The following RSPO2 variants were observed in gnomAD, a reference collection of about 807,000 sequenced individuals.
RSPO2 encodes R-spondin-2.
Under a neutral mutation model 30.9 loss-of-function variants are expected in RSPO2, and 14 were observed. The observed-to-expected ratio is 0.45, with a 90% CI of 0.30 to 0.71. RSPO2 has a LOEUF of 0.71. Ranked by LOEUF, RSPO2 falls within the 30% of genes least tolerant of loss-of-function variation. RSPO2 has a pLI of 0.08. For synonymous variants in RSPO2, 107 were observed against 96.4 expected (o/e 1.11, Z -0.64); for missense variants, 264 against 301.9 (o/e 0.87, Z 0.93).
At chr8:107,903,061 T>C (rs570617163) in intron 5 of RSPO2, among the ~76,000 whole-genome samples, 34 of 152,118 alleles carry the variant, frequency 2.2e-4, no homozygotes, top group African/African-American at 7.2e-4. Context: ...GGCAGAAAAA[T>C]GAAATATTTA....
intron 2 of RSPO2, among the ~76,000 whole-genome samples, chr8:108,046,676 C>T (rs943774505): frequency 6.6e-6 from 1 of 152,204 alleles, no homozygotes; most frequent in Middle Eastern, 3.4e-3. Context: ...CAGGCACACC[C>T]GTGGTTTGAA....
intron 5 of RSPO2, among the ~76,000 whole-genome samples, chr8:107,952,007 C>T (rs1010292757): frequency 6.6e-6 from 1 of 152,092 alleles, no homozygotes; most frequent in African/African-American, 2.4e-5. Flanking sequence ...ACTACCACCA[C>T]CATCACCAGG....
intron 5 of RSPO2, among the ~76,000 whole-genome samples, chr8:107,912,588 A>C (rs996770664): frequency 1.3e-5 from 2 of 152,190 alleles, no homozygotes; most frequent in Non-Finnish European, 2.9e-5. Flanking sequence ...TCTACAGAAT[A>C]TCTCTATTCA....
intron 5 of RSPO2, among the ~76,000 whole-genome samples, chr8:107,902,352 C>T (rs919247870): frequency 6.6e-6 from 1 of 152,128 alleles, no homozygotes; most frequent in South Asian, 2.1e-4. Flanking sequence ...TAAGGTGTAG[C>T]TATTTGACAG....
chr8:107,900,885 G>C lies in RSPO2; in HGVS notation c.*190C>G. 1.8e-6 allele frequency: 1 copy of C among 564,660 alleles called. No individual in the cohort carries two copies. Among genetic ancestry groups the C allele is most frequent in the Non-Finnish European group, 3.0e-6 (1 of 330,286 alleles). The allele number at this position is 564,660 out of a possible 1,614,324, so 35.0% of individuals were successfully genotyped here. ...CTGTGCACTTACTCCTGCCTTCACA[G>C]TCTCCAGATTCAAATCAAAGCATAA... On this transcript the variant is annotated 3_prime_UTR_variant, in exon 6 of 6. Transcript: ENST00000276659.
intron 3 of RSPO2, among the ~76,000 whole-genome samples, chr8:107,976,691 C>G (rs1445449642): frequency 6.6e-6 from 1 of 152,184 alleles, no homozygotes; most frequent in Non-Finnish European, 1.5e-5. Flanking sequence ...TTTAAGGCAC[C>G]TGTCCAACCT....
chr8:107,939,419 G>A lies in RSPO2; in HGVS notation c.616+18661C>T, dbSNP rs115380298. ...AAGTTACTAGACCAAAGGGCTCAAT[G>A]ATGAAAAAGTTATTATGGGACAGTT... On this transcript the variant is annotated intron_variant, in intron 5 of 5. Transcript: ENST00000276659. Among the ~76,000 whole-genome samples, 835 of 150,636 alleles carry A rather than the reference G, an allele frequency of 5.5e-3. 8 individuals are homozygous for A. Among genetic ancestry groups the A allele is most frequent in the African/African-American group, 0.02 (808 of 40,994 alleles).
intron 5 of RSPO2, among the ~76,000 whole-genome samples, chr8:107,911,176 A>C (rs1811814255): frequency 6.6e-6 from 1 of 152,166 alleles, no homozygotes; most frequent in Non-Finnish European, 1.5e-5. Flanking sequence ...TCTATCCCTG[A>C]TAAACCCTGT....
At chr8:108,067,485 G>A (rs879559952) in intron 2 of RSPO2, among the ~76,000 whole-genome samples, 7 of 152,190 alleles carry the variant, frequency 4.6e-5, no homozygotes, top group Non-Finnish European at 8.8e-5. Flanking sequence ...TAAAGTCAGT[G>A]TGGCAAAATG....
chr8:108,036,309 A>C (rs2130646704), intron 2 of RSPO2, among the ~76,000 whole-genome samples: 1 of 152,344 alleles, frequency 6.6e-6, no homozygotes, highest in Non-Finnish European at 1.5e-5. Flanking sequence ...TGTGCTATAA[A>C]TGGAGCAGCA....
At chr8:108,080,387 C>A (rs1813156724) in intron 2 of RSPO2, among the ~76,000 whole-genome samples, 1 of 152,092 alleles carries the variant, frequency 6.6e-6, no homozygotes, top group Admixed American at 6.5e-5. Context: ...TTTACACGTT[C>A]TTGAAAGCAT....
intron 2 of RSPO2, among the ~76,000 whole-genome samples, chr8:108,011,473 T>A (rs748136100): frequency 6.6e-6 from 1 of 152,204 alleles, no homozygotes; most frequent in African/African-American, 2.4e-5. Context: ...ATTGCTTTAA[T>A]AGAGAACAGA....
chr8:107,907,361 C>A (rs1811681393), intron 5 of RSPO2, among the ~76,000 whole-genome samples: 1 of 151,934 alleles, frequency 6.6e-6, no homozygotes, highest in Non-Finnish European at 1.5e-5. Flanking sequence ...AAAGGACTGG[C>A]AACATCTAAT....
chr8:107,910,698 T>C (rs916142877), intron 5 of RSPO2, among the ~76,000 whole-genome samples: 4 of 152,166 alleles, frequency 2.6e-5, no homozygotes, highest in African/African-American at 9.6e-5. Flanking sequence ...ACCTCCCTCA[T>C]TGTAATATTT....
chr8:108,031,961 T>C (rs1347775042), intron 2 of RSPO2, among the ~76,000 whole-genome samples: 1 of 152,008 alleles, frequency 6.6e-6, no homozygotes, highest in Non-Finnish European at 1.5e-5. Context: ...CAGAGAACAG[T>C]AGGGGGCAGA....
In RSPO2 at chr8:108,014,906, C is replaced by T. The variant is rs377153144; in HGVS notation, c.95-25662G>A. The stretch of plus-strand genomic sequence containing the variant: ...AATAAGTTAGGGATGATGGAGCATT[C>T]GGGGGGAAAAAAGAACACTGCAGAA... On this transcript the variant is annotated intron_variant, in intron 2 of 5. Transcript: ENST00000276659. 1.4e-3 allele frequency among the ~76,000 whole-genome samples: 207 copies of T among 149,508 alleles called. 2 individuals carry two copies. The South Asian group carries it at 0.041, about 30-fold the overall frequency.
At chr8:108,053,397 C>T (rs1039121996) in intron 2 of RSPO2, among the ~76,000 whole-genome samples, 1 of 152,198 alleles carries the variant, frequency 6.6e-6, no homozygotes, top group Non-Finnish European at 1.5e-5. Flanking sequence ...TTCCCATCAA[C>T]AGTTCAATGT....
At chr8:108,061,812 G>T (rs1336924498) in intron 2 of RSPO2, among the ~76,000 whole-genome samples, 1 of 151,758 alleles carries the variant, frequency 6.6e-6, no homozygotes, top group Non-Finnish European at 1.5e-5. Context: ...AAATGTAAAA[G>T]AACAGAAATT....
At chr8:107,998,293 T>C (rs1022643177) in intron 2 of RSPO2, among the ~76,000 whole-genome samples, 7 of 151,982 alleles carry the variant, frequency 4.6e-5, no homozygotes, top group African/African-American at 1.4e-4. Flanking sequence ...TCGGATGCTA[T>C]AGAAATCAAG....
Sources: allele counts gnomAD v4.1 joint callset (sites outside exome capture counted in the v4.1 genomes callset), GRCh38; gene constraint gnomAD v4.1.1; transcripts MANE v1.5; gene names NCBI Gene and HGNC (gene_info 2026-07-23, HGNC 2026-07-21).